The following NPM1 variants were observed in gnomAD, a reference collection of about 807,000 sequenced individuals.
NPM1 encodes the protein nucleophosmin 1.
In NPM1, 1 loss-of-function variant was observed where a neutral mutation model predicts 44.1. The ratio of observed to expected loss-of-function variants is 0.02; its 90% CI spans 0.01 to 0.11. The LOEUF (loss-of-function observed/expected upper bound fraction) is 0.11. Ranked by LOEUF, NPM1 falls within the 10% of genes least tolerant of loss-of-function variation. NPM1 has a pLI of 1.00. For missense variants in NPM1, 197 were observed against 347.8 expected, an observed-to-expected ratio of 0.57 and a Z score of 3.45; for synonymous variants, 126 against 111.8, an observed-to-expected ratio of 1.13 and a Z score of -0.80.
chr5:171,406,858 T>C (rs1447396812), intron 9 of NPM1: 4 of 267,620 alleles, frequency 1.5e-5, no homozygotes, highest in Non-Finnish European at 2.5e-5. Context: ...TGAAAACCTT[T>C]TCAATCTTTT....
chr5:171,400,026 T>C, intron 6 of NPM1, 127 bp from the exon 7 acceptor site: 1 of 648,332 alleles, frequency 1.5e-6, no homozygotes, highest in East Asian at 2.7e-5. Context: ...CTTTCACCTC[T>C]TGGCTGTTGT....
At chr5:171,401,422 TGG>T (rs1163038658) in intron 8 of NPM1, among the ~76,000 whole-genome samples, 1 of 151,822 alleles carries the variant, frequency 6.6e-6, no homozygotes, top group Non-Finnish European at 1.5e-5. Flanking sequence ...TGTAAGGTGG[TGG>T]GGCGGGGGGA....
chr5:171,392,583 G>A, intron 4 of NPM1, 127 bp from the exon 5 acceptor site: 1 of 533,012 alleles, frequency 1.9e-6, no homozygotes, highest in South Asian at 3.3e-5. Flanking sequence ...TTTCCCATGT[G>A]CTCTTTTTTT....
At position 171,391,599 on chromosome 5, in the gene NPM1, T is replaced by G. The variant is rs894917989; in HGVS notation, c.259-107T>G. The G allele has an allele frequency of 4.5e-6, 5 of 1,112,682 alleles. No homozygotes were observed. In the African/African-American group the frequency reaches 7.8e-5, roughly 17 times the overall value. The allele number at this position is 1,112,682 out of a possible 1,614,324, so 68.9% of individuals were successfully genotyped here. On this transcript the variant is annotated intron_variant, in intron 3 of 10. Coordinates refer to ENST00000296930, the MANE Select transcript of NPM1 (RefSeq NM_002520.7). ...CTTCTGCTGCTACTTTTATCAGAGG[T>G]GGAAAAACAGGTTCACTGGTTTGTT...
At chr5:171,393,559 C>T (rs57583650) in intron 6 of NPM1, among the ~76,000 whole-genome samples, 4,296 of 152,226 alleles carry the variant, frequency 0.028, 149 homozygotes, top group Admixed American at 0.1. Flanking sequence ...ACAGTTAATA[C>T]GCACACTGGT....
intron 6 of NPM1, among the ~76,000 whole-genome samples, chr5:171,397,273 G>C (rs1264023293): frequency 6.6e-6 from 1 of 152,140 alleles, no homozygotes; most frequent in East Asian, 1.9e-4. Context: ...GGGTATGTTT[G>C]GTTATTCATC....
At chr5:171,408,757 G>A (rs376828199) in intron 10 of NPM1, among the ~76,000 whole-genome samples, 8 of 152,128 alleles carry the variant, frequency 5.3e-5, no homozygotes, top group Admixed American at 2.6e-4. Flanking sequence ...TTGAAACTCC[G>A]CGTTATGCAA....
intron 6 of NPM1, among the ~76,000 whole-genome samples, chr5:171,397,162 T>C (rs1261316586): frequency 6.6e-6 from 1 of 152,214 alleles, no homozygotes; most frequent in Non-Finnish European, 1.5e-5. Context: ...TTTGCACGAA[T>C]GGACTTCTGT....
Position 171,404,176 on chromosome 5 carries a change from C to T in NPM1, c.670-1126C>T, listed in dbSNP as rs866702280. ...CTCCCGGATGGCACGGCTGGCCGGTCGGGGGGGCTGACCCCCCACCTCCCT... is the reference window on the plus strand; with the variant it reads ...CTCCCGGATGGCACGGCTGGCCGGTTGGGGGGGCTGACCCCCCACCTCCCT... On this transcript the variant is annotated intron_variant, in intron 8 of 10. Transcript: ENST00000296930. 6.0e-3 allele frequency among the ~76,000 whole-genome samples: 548 copies of T among 90,688 alleles called. 71 individuals are homozygous for T. The highest frequency in any genetic ancestry group is 0.023 in the African/African-American group (512 of 22,068). 59.5% of individuals were successfully genotyped at this position (90,688 alleles called of 152,430 possible).
At chr5:171,408,838 C>CA (rs2113294338) in intron 10 of NPM1, among the ~76,000 whole-genome samples, 1 of 152,256 alleles carries the variant, frequency 6.6e-6, no homozygotes, top group East Asian at 1.9e-4. Flanking sequence ...AGCTAAGCAG[C>CA]ATAAGAGATG....
intron 6 of NPM1, among the ~76,000 whole-genome samples, chr5:171,395,731 A>T (rs533954586): frequency 6.6e-6 from 1 of 152,218 alleles, no homozygotes; most frequent in African/African-American, 2.4e-5. Flanking sequence ...GGTTCGTTAT[A>T]GTTACTTAGA....
intron 6 of NPM1, among the ~76,000 whole-genome samples, chr5:171,398,442 CTA>C (rs1425191121): frequency 1.3e-5 from 2 of 152,136 alleles, no homozygotes; most frequent in African/African-American, 4.8e-5. Flanking sequence ...TGTTCAAAAA[CTA>C]TTTTTTCCCC....
chr5:171,403,869 C>A (rs1300197165), intron 8 of NPM1, among the ~76,000 whole-genome samples: 103 of 44,574 alleles, frequency 2.3e-3, no homozygotes, highest in East Asian at 6.4e-3. Context: ...AGGGCTGACC[C>A]CCCCACCTCC....
chr5:171,402,274 T>A (rs1028643022), intron 8 of NPM1, among the ~76,000 whole-genome samples: 14 of 150,882 alleles, frequency 9.3e-5, no homozygotes, highest in Non-Finnish European at 1.9e-4. Context: ...TATCACTGAT[T>A]AGAGAAATGC....
intron 6 of NPM1, among the ~76,000 whole-genome samples, chr5:171,399,417 A>T (rs57232631): frequency 6.6e-6 from 1 of 151,810 alleles, no homozygotes; most frequent in African/African-American, 2.4e-5. Context: ...GCTAATTAAA[A>T]ATTTTTTTTG....
rs922991783 is a variant in NPM1, at chr5:171,392,388, A to AT, written c.353-314dup. Among the ~76,000 whole-genome samples the AT allele has an allele frequency of 2.0e-5, 3 of 151,870 alleles. 1 individual carries two copies. The highest frequency in any genetic ancestry group is 4.8e-5 in the African/African-American group (2 of 41,320). ...TACAGGCACACTCCACGCCTGGCTA[A>AT]TTTTTTTTGTATATGTGCAGATGGG... On this transcript the variant is annotated intron_variant, in intron 4 of 10. Transcript: ENST00000296930.
chr5:171,409,335 C>G (rs1771711826), intron 10 of NPM1, among the ~76,000 whole-genome samples: 1 of 152,152 alleles, frequency 6.6e-6, no homozygotes, highest in African/African-American at 2.4e-5. Context: ...CGTGGTAGTT[C>G]ATGCCTATAA....
upstream of NPM1, chr5:171,387,709 G>A (rs1313922728): frequency 5.3e-6 from 3 of 567,912 alleles, no homozygotes; most frequent in Admixed American, 3.2e-5. Flanking sequence ...GAGGTAGAAA[G>A]GAGTGGGGTT....
rs770789271 is a variant in NPM1, at chr5:171,392,794, G to A, written c.437G>A (p.Gly146Glu). 1 of 1,613,816 alleles carries A rather than the reference G, an allele frequency of 6.2e-7. No homozygotes were observed. The highest frequency in any genetic ancestry group is 1.1e-5 in the South Asian group (1 of 91,072). The change falls in exon 5 of 11, where the codon GGA becomes GAA. Residue 146 changes from glycine (G) to glutamate (E), a missense_variant. This residue lies in a region of NPM1 where 91 missense variants were observed against 94.0 expected (regional missense o/e 0.97). Transcript: ENST00000296930. ...LSISGKRSAP[G>E]GGSKVPQKKV... ...ATATCTGGAAAGCGGTCTGCCCCTG[G>A]AGGTGGTAGCAAGGTTCCACAGGTA...
Sources: gnomAD v4.1 joint callset for allele counts (sites outside exome capture counted in the v4.1 genomes callset) on GRCh38, gnomAD v4.1.1 for gene constraint, gnomAD v4.1.1 regional missense constraint, MANE v1.5 for transcripts, NCBI Gene and HGNC (gene_info 2026-07-23, HGNC 2026-07-21) for gene names.